The following ENTPD6 variants were observed in gnomAD, a reference collection of about 807,000 sequenced individuals.
ENTPD6 encodes the protein ectonucleoside triphosphate diphosphohydrolase 6, also known as CD39 antigen-like 2.
A neutral mutation model predicts 61.5 loss-of-function variants in ENTPD6; 46 were observed. The ratio of observed to expected loss-of-function variants is 0.75; its 90% CI spans 0.59 to 0.96. The LOEUF is 0.96. Among genes scored for constraint, ENTPD6 ranks in the 40% least tolerant of loss-of-function variants. The pLI, the probability that ENTPD6 is intolerant of heterozygous loss-of-function variation, is 0.00. For synonymous variants in ENTPD6, 252 were observed against 255.5 expected (o/e 0.99, Z 0.13); for missense variants, 612 against 629.0 (o/e 0.97, Z 0.29).
chr20:25,205,601 C>G (rs1347444825), intron 1 of ENTPD6, among the ~76,000 whole-genome samples: 1 of 152,190 alleles, frequency 6.6e-6, no homozygotes. Flanking sequence ...TGGTGGGACC[C>G]AGGCCCAGAA....
rs539470651 is a variant in ENTPD6 at position 25,227,882 on chromosome 20, T to G, written c.*2285T>G. 6.6e-6 allele frequency among the ~76,000 whole-genome samples: 1 copy of G among 152,382 alleles called. No homozygotes were observed. Among genetic ancestry groups the G allele is most frequent in the East Asian group, 1.9e-4 (1 of 5,190 alleles). ...CCTAACAGCTACAGCCAGTTTAATC[T>G]TTGCCATTCTGGCAGATTTAAAAAA... On this transcript the variant is annotated 3_prime_UTR_variant, in exon 15 of 15. Transcript: ENST00000376652.
Position 25,224,219 on chromosome 20 carries a change from G to A in ENTPD6, c.1243+62G>A. 1.4e-5 allele frequency: 21 copies of A among 1,502,088 alleles called. No individual in the cohort carries two copies. The South Asian group carries it at 2.4e-4, about 17-fold the overall frequency. 93.0% of individuals were successfully genotyped at this position (1,502,088 alleles called of 1,614,324 possible). On this transcript the variant is annotated intron_variant, in intron 13 of 14. Coordinates refer to ENST00000376652, the MANE Select transcript of ENTPD6 (RefSeq NM_001247.5). ...GGCGCCCCGTGATGCTCGTGACGCA[G>A]GCGCTGGCCCTGACTCTCCTGGGTG... is the stretch of plus-strand genomic sequence containing the variant.
intron 1 of ENTPD6, among the ~76,000 whole-genome samples, chr20:25,206,261 G>A (rs1442533078): frequency 6.6e-6 from 1 of 152,216 alleles, no homozygotes; most frequent in African/African-American, 2.4e-5. Flanking sequence ...CACCAGGACC[G>A]ACTGAGAGAG....
intron 9 of ENTPD6, 77 bp from the exon 10 acceptor site, chr20:25,218,473 G>A (rs1980497): frequency 8.7e-6 from 12 of 1,376,566 alleles, no homozygotes; most frequent in Middle Eastern, 1.8e-4. Context: ...CCCCACTCGG[G>A]CTGGGTCTCA....
In ENTPD6 at chr20:25,217,548, T is replaced by C. The variant is rs1345147407; in HGVS notation, c.845T>C (p.Met282Thr). 22 of 1,614,012 alleles carry C rather than the reference T, an allele frequency of 1.4e-5. No individual in the cohort carries two copies. The highest frequency in any genetic ancestry group is 1.8e-5 in the Non-Finnish European group (21 of 1,180,000). The change falls in exon 9 of 15, where the codon ATG becomes ACG. Residue 282 changes from methionine to threonine, a missense_variant. Coordinates refer to ENST00000376652, the MANE Select transcript of ENTPD6 (RefSeq NM_001247.5). ...SPPGYLTALR[M>T]FNRTYKLYSY... Reference sequence around the variant, plus strand: ...CCCGGCTACCTGACGGCACTGCGGATGTTTAACAGGACCTACAAGCTCTAT... The same window carrying C: ...CCCGGCTACCTGACGGCACTGCGGACGTTTAACAGGACCTACAAGCTCTAT...
intron 1 of ENTPD6, among the ~76,000 whole-genome samples, chr20:25,201,594 G>GGTC (rs775377770): frequency 3.9e-5 from 6 of 151,996 alleles, no homozygotes; most frequent in Non-Finnish European, 2.9e-5. Context: ...GCTCTCCTTT[G>GGTC]GTCACTCTTT....
chr20:25,222,601 T>G (rs1018263247), intron 11 of ENTPD6: 8 of 475,450 alleles, frequency 1.7e-5, no homozygotes, highest in Non-Finnish European at 3.0e-5. Context: ...TGCCGCTGCC[T>G]TCGTGCCCAC....
intron 4 of ENTPD6, among the ~76,000 whole-genome samples, chr20:25,210,477 T>G (rs2091889180): frequency 6.6e-6 from 1 of 151,200 alleles, no homozygotes; most frequent in Admixed American, 6.6e-5. Flanking sequence ...GAGAACCCTA[T>G]TTCTACAAAA....
chr20:25,204,594 C>T (rs2091311173), intron 1 of ENTPD6, among the ~76,000 whole-genome samples: 1 of 152,148 alleles, frequency 6.6e-6, no homozygotes, highest in Admixed American at 6.5e-5. Flanking sequence ...CTATAGTCAT[C>T]CTACAGCTTT....
At chr20:25,215,534 G>A (rs2092265430) in intron 6 of ENTPD6, 142 bp from the exon 7 acceptor site, 1 of 776,550 alleles carries the variant, frequency 1.3e-6, no homozygotes, top group Non-Finnish European at 2.2e-6. Flanking sequence ...GCTCCTCTCT[G>A]CCGATGATCT....
In ENTPD6 at chr20:25,213,245, CTCTTACCACGT is replaced by C. The variant is rs1381882964; in HGVS notation, c.454-15_454-5del. On this transcript the variant is annotated splice_region_variant and splice_polypyrimidine_tract_variant and intron_variant, in intron 4 of 14. Transcript: ENST00000376652. ...GCTGCACTTGACAGACCCTGCTTTG[CTCTTACCACGT>C]TCACAGAGCGCTCAGGGAATCCGGG... 82 of 1,614,050 alleles carry C rather than the reference CTCTTACCACGT, an allele frequency of 5.1e-5. No homozygotes were observed. The highest frequency in any genetic ancestry group is 6.6e-5 in the Non-Finnish European group (78 of 1,179,992).
chr20:25,210,924 AGAGTGAGACT>A (rs1378128596), intron 4 of ENTPD6, among the ~76,000 whole-genome samples: 1 of 152,266 alleles, frequency 6.6e-6, no homozygotes, highest in Non-Finnish European at 1.5e-5. Context: ...CCTGGGGGAC[AGAGTGAGACT>A]CTGACCCCAT....
chr20:25,225,637 G>T lies in ENTPD6; in HGVS notation c.*40G>T, dbSNP rs945495609. 2.6e-6 allele frequency: 4 copies of T among 1,546,984 alleles called. No individual in the cohort carries two copies. In the Admixed American group the frequency reaches 6.8e-5, roughly 26 times the overall value. On this transcript the variant is annotated 3_prime_UTR_variant, in exon 15 of 15. Transcript: ENST00000376652. ...CTGTCCCCGTCAGCAGTGTCTGTGTGTCTGCATAAACCCTCCTGTCCTGGA... is the reference window on the plus strand; with the variant it reads ...CTGTCCCCGTCAGCAGTGTCTGTGTTTCTGCATAAACCCTCCTGTCCTGGA...
At position 25,227,573 on chromosome 20, in the gene ENTPD6, C is replaced by G. The variant is rs80088191; in HGVS notation, c.*1976C>G. Among the ~76,000 whole-genome samples the G allele has an allele frequency of 6.6e-6, 1 of 152,210 alleles. No homozygotes were observed. ...CTCTCATTTGTCAAAAATAGCTACA[C>G]GTGCACATCGTAAAAGAAGCAAACT... On this transcript the variant is annotated 3_prime_UTR_variant, in exon 15 of 15. Coordinates refer to ENST00000376652, the MANE Select transcript of ENTPD6 (RefSeq NM_001247.5).
intron 6 of ENTPD6, 56 bp from the exon 7 acceptor site, chr20:25,215,620 G>C (rs767265627): frequency 2.1e-5 from 33 of 1,587,314 alleles, no homozygotes; most frequent in Non-Finnish European, 2.9e-5. Flanking sequence ...GGTCCTGTGT[G>C]TTATGCTTTC....
intron 2 of ENTPD6, 33 bp downstream of exon 2, chr20:25,206,623 G>A (rs45585339): frequency 5.9e-6 from 9 of 1,531,124 alleles, no homozygotes; most frequent in Admixed American, 3.3e-5. Context: ...TTGCCCAAGG[G>A]ACGGAGTTTA....
intron 1 of ENTPD6, chr20:25,196,349 G>T (rs1177217242): frequency 2.9e-5 from 16 of 555,616 alleles, no homozygotes; most frequent in Non-Finnish European, 3.4e-5. Flanking sequence ...TGGTCAGGGC[G>T]GTTCTGCCCG....
At chr20:25,215,195 A>C (rs1311005908) in intron 6 of ENTPD6, among the ~76,000 whole-genome samples, 1 of 152,272 alleles carries the variant, frequency 6.6e-6, no homozygotes, top group African/African-American at 2.4e-5. Flanking sequence ...CCTGGCATGA[A>C]TGAAGCTTCT....
chr20:25,212,655 A>T (rs1050914492), intron 4 of ENTPD6, among the ~76,000 whole-genome samples: 1 of 152,002 alleles, frequency 6.6e-6, no homozygotes, highest in African/African-American at 2.4e-5. Context: ...GGAGTTCAAG[A>T]CCAACATGGG....
Sources: gnomAD v4.1 joint callset for allele counts (sites outside exome capture counted in the v4.1 genomes callset) on GRCh38, gnomAD v4.1.1 for gene constraint, MANE v1.5 for transcripts, NCBI Gene and HGNC (gene_info 2026-07-23, HGNC 2026-07-21) for gene names.